MTMR2: variants seen among roughly 807,000 people sequenced by gnomAD.
MTMR2 encodes the protein myotubularin related protein 2.
A neutral mutation model predicts 86.9 loss-of-function variants in MTMR2; 55 were observed. That is an observed-to-expected ratio of 0.63 (90% CI 0.51 to 0.79). The LOEUF (loss-of-function observed/expected upper bound fraction) is 0.79, where lower values mean the gene tolerates loss of function less well. Among genes scored for constraint, MTMR2 ranks in the 30% least tolerant of loss-of-function variants. The pLI is 0.00. For synonymous variants in MTMR2, 241 were observed against 266.8 expected, an observed-to-expected ratio of 0.90 and a Z score of 0.94; for missense variants, 659 against 772.3, an observed-to-expected ratio of 0.85 and a Z score of 1.74.
chr11:95,911,605 CA>C (rs1866507942), intron 1 of MTMR2, among the ~76,000 whole-genome samples: 1 of 151,998 alleles, frequency 6.6e-6, no homozygotes, highest in South Asian at 2.1e-4. Flanking sequence ...GATGACAGCT[CA>C]AATGAAAACA....
At chr11:95,873,351 G>C (rs1254690) in intron 2 of MTMR2, among the ~76,000 whole-genome samples, 1 of 152,068 alleles carries the variant, frequency 6.6e-6, no homozygotes, top group South Asian at 2.1e-4. Flanking sequence ...TGTATGTGTC[G>C]AGGAATTTAT....
rs750344055 is a variant in MTMR2, at chr11:95,865,631, A to C, written c.232T>G (p.Leu78Val). The C allele has an allele frequency of 1.2e-6, 2 of 1,613,950 alleles. No individual in the cohort carries two copies. Among genetic ancestry groups the C allele is most frequent in the Non-Finnish European group, 1.7e-6 (2 of 1,179,812 alleles). The change falls in exon 3 of 15, where the codon TTG becomes GTG. Residue 78 changes from leucine (L) to valine (V), a missense_variant. By Grantham distance (32) the Leu-to-Val change is conservative (BLOSUM62 1). Coordinates refer to ENST00000346299, the MANE Select transcript of MTMR2 (RefSeq NM_016156.6). Reference protein sequence around the residue: ...NKLAEMEEPPLLPGENIKDMA... With the variant: ...NKLAEMEEPPVLPGENIKDMA... ...TCTTTAATATTTTCTCCTGGAAGCA[A>C]GGGTGGTTCTTCCATTTCTGCTAAC...
chr11:95,868,758 A>G (rs1286505564), intron 2 of MTMR2, among the ~76,000 whole-genome samples: 7 of 151,848 alleles, frequency 4.6e-5, no homozygotes, highest in African/African-American at 2.4e-5. Context: ...ATATAGGTGG[A>G]AAAAAAATTA....
chr11:95,896,978 T>C (rs1346429838), intron 1 of MTMR2, among the ~76,000 whole-genome samples: 1 of 152,014 alleles, frequency 6.6e-6, no homozygotes, highest in Non-Finnish European at 1.5e-5. Context: ...AAGAAGTAGT[T>C]GGGAATTGAG....
chr11:95,916,393 A>T lies in MTMR2; in HGVS notation c.80+7482T>A, dbSNP rs1386594385. ...AAAAATGACATGTGACTGCCAAAAAAGTATCCTTCAAAGAGAGAGAGTATG... is the reference window on the plus strand; with the variant it reads ...AAAAATGACATGTGACTGCCAAAAATGTATCCTTCAAAGAGAGAGAGTATG... On this transcript the variant is annotated intron_variant, in intron 1 of 14. Coordinates refer to ENST00000346299, the MANE Select transcript of MTMR2 (RefSeq NM_016156.6). Among the ~76,000 whole-genome samples, 159 of 152,312 alleles carry T rather than the reference A, an allele frequency of 1.0e-3. 1 individual carries two copies. Among genetic ancestry groups the T allele is most frequent in the African/African-American group, 3.7e-3 (153 of 41,570 alleles).
chr11:95,893,579 C>T (rs560859783), intron 1 of MTMR2, among the ~76,000 whole-genome samples: 1 of 152,198 alleles, frequency 6.6e-6, no homozygotes, highest in African/African-American at 2.4e-5. Context: ...ACCAACATAA[C>T]CATCTTTCTT....
chr11:95,857,622 A>G lies in MTMR2; in HGVS notation c.584T>C (p.Phe195Ser). Residue 195 changes from phenylalanine to serine, a missense_variant, in exon 7 of 15, where the codon TTT becomes TCT. Phe to Ser is a radical substitution (Grantham distance 155). Coordinates refer to ENST00000346299, the MANE Select transcript of MTMR2 (RefSeq NM_016156.6). ...TTCAGGGAATACTTCTTTGTATTCA[A>G]AAGCAAAAAGAGGCTACAAAAAAGT... The part of the protein sequence containing the change: ...PVSNNLPLFA[F>S]EYKEVFPENG... 6.2e-7 allele frequency: 1 copy of G among 1,610,912 alleles called. No homozygotes were observed. Among genetic ancestry groups the G allele is most frequent in the Non-Finnish European group, 8.5e-7 (1 of 1,177,390 alleles).
intron 2 of MTMR2, among the ~76,000 whole-genome samples, chr11:95,875,252 T>C (rs1376690080): frequency 6.6e-6 from 1 of 151,832 alleles, no homozygotes; most frequent in Non-Finnish European, 1.5e-5. Context: ...ATAGATTTGG[T>C]CTTTTCACAT....
rs76077567 is a variant in MTMR2, at chr11:95,896,370, C to T, written c.81-8109G>A. Among the ~76,000 whole-genome samples the T allele has an allele frequency of 5.4e-3, 811 of 151,094 alleles. 5 individuals carry two copies. Among genetic ancestry groups the T allele is most frequent in the Non-Finnish European group, 9.7e-3 (658 of 67,814 alleles). ...TTCCTCTGTCACCCAGGCTGGAGTG[C>T]AACAGTGCAATCATAGCTCTGTGCA... On this transcript the variant is annotated intron_variant, in intron 1 of 14. Coordinates refer to ENST00000346299, the MANE Select transcript of MTMR2 (RefSeq NM_016156.6).
At chr11:95,882,672 A>G (rs1013244743) in intron 2 of MTMR2, among the ~76,000 whole-genome samples, 5 of 151,650 alleles carry the variant, frequency 3.3e-5, no homozygotes, top group Non-Finnish European at 7.4e-5. Context: ...TATCATATAC[A>G]TGTACATAAG....
chr11:95,891,043 C>T (rs1865696646), intron 1 of MTMR2, among the ~76,000 whole-genome samples: 1 of 152,122 alleles, frequency 6.6e-6, no homozygotes, highest in Admixed American at 6.5e-5. Context: ...ACGCCTATGC[C>T]CTTCTGGGAG....
At chr11:95,870,106 C>T (rs1864797664) in intron 2 of MTMR2, among the ~76,000 whole-genome samples, 1 of 152,000 alleles carries the variant, frequency 6.6e-6, no homozygotes, top group Non-Finnish European at 1.5e-5. Flanking sequence ...AGTTGGAAAA[C>T]TACTAATGTC....
At chr11:95,859,076 A>G (rs1392726938) in intron 5 of MTMR2, among the ~76,000 whole-genome samples, 2 of 152,150 alleles carry the variant, frequency 1.3e-5, no homozygotes, top group African/African-American at 2.4e-5. Flanking sequence ...TCTTCAGTTC[A>G]TTATATCTGG....
At chr11:95,888,771 G>A (rs1865607865) in intron 1 of MTMR2, among the ~76,000 whole-genome samples, 1 of 151,796 alleles carries the variant, frequency 6.6e-6, no homozygotes, top group Non-Finnish European at 1.5e-5. Flanking sequence ...AATATCTATG[G>A]GAGAAAAGAA....
In MTMR2 at chr11:95,865,607, C is replaced by G; in HGVS notation, c.256G>C (p.Asp86His). The G allele has an allele frequency of 6.2e-7, 1 of 1,613,360 alleles. No individual in the cohort carries two copies. Among genetic ancestry groups the G allele is most frequent in the Non-Finnish European group, 8.5e-7 (1 of 1,179,374 alleles). ...PPLLPGENIK[D>H]MAKDVTYICP... ...AAAAAATACCATTACGGACCCATGT[C>G]TTTAATATTTTCTCCTGGAAGCAAG... Residue 86 changes from aspartate to histidine, a missense_variant, in exon 3 of 15, where the codon GAC (aspartate) becomes CAC (histidine). By Grantham distance (81) the Asp-to-His change is moderately conservative. Around this residue, in one of 3 missense-constraint regions of MTMR2, gnomAD observed 387 missense variants for 526.3 expected, o/e 0.74. Coordinates refer to ENST00000346299, the MANE Select transcript of MTMR2 (RefSeq NM_016156.6).
intron 1 of MTMR2, among the ~76,000 whole-genome samples, chr11:95,909,031 A>G (rs1866399907): frequency 6.6e-6 from 1 of 152,174 alleles, no homozygotes; most frequent in African/African-American, 2.4e-5. Flanking sequence ...CCATAAGATC[A>G]AAACAGTAAT....
chr11:95,890,400 G>C (rs967967083), intron 1 of MTMR2, among the ~76,000 whole-genome samples: 1 of 152,108 alleles, frequency 6.6e-6, no homozygotes, highest in Non-Finnish European at 1.5e-5. Flanking sequence ...TTTGATCAGG[G>C]TAGTTTGTGC....
intron 12 of MTMR2, among the ~76,000 whole-genome samples, 192 bp from the exon 13 acceptor site, chr11:95,838,399 A>C (rs1863391547): frequency 2.0e-5 from 3 of 151,990 alleles, no homozygotes; most frequent in Admixed American, 2.0e-4. Context: ...TCTGATCATG[A>C]TGTTTCTGTA....
At chr11:95,874,451 A>C (rs1362629594) in intron 2 of MTMR2, among the ~76,000 whole-genome samples, 3 of 152,010 alleles carry the variant, frequency 2.0e-5, no homozygotes, top group Non-Finnish European at 2.9e-5. Flanking sequence ...TGCTTGGTAG[A>C]TCTTCCTCCA....
Sources: allele counts gnomAD v4.1 joint callset (sites outside exome capture counted in the v4.1 genomes callset), GRCh38; gene constraint gnomAD v4.1.1; regional missense constraint gnomAD v4.1.1; transcripts MANE v1.5; gene names NCBI Gene and HGNC (gene_info 2026-07-23, HGNC 2026-07-21).